The following CAPN2 variants were observed in gnomAD, a reference collection of about 807,000 sequenced individuals.
The protein encoded by CAPN2 is calpain 2.
In CAPN2, 92 loss-of-function variants were observed where a neutral mutation model predicts 102.3. The observed-to-expected ratio is 0.90, with a 90% CI of 0.76 to 1.07. The LOEUF (loss-of-function observed/expected upper bound fraction) is 1.07, where lower values mean the gene tolerates loss of function less well. CAPN2 is among the 50% of genes least tolerant of loss of function. The probability of loss-of-function intolerance (pLI) is 0.00; values close to 1 mark genes in which losing one functional copy is unlikely to be tolerated. For synonymous variants in CAPN2, 340 were observed against 355.4 expected, an observed-to-expected ratio of 0.96 and a Z score of 0.49; for missense variants, 800 against 909.4, an observed-to-expected ratio of 0.88 and a Z score of 1.55.
Position 223,756,839 on chromosome 1 carries a change from G to A in CAPN2, c.1306-530G>A, listed in dbSNP as rs578018746. 1.5e-4 allele frequency among the ~76,000 whole-genome samples: 23 copies of A among 152,314 alleles called. No homozygotes were observed. Among genetic ancestry groups the A allele is most frequent in the East Asian group, 3.9e-4 (2 of 5,190 alleles). On this transcript the variant is annotated intron_variant, in intron 10 of 20. Coordinates refer to ENST00000295006, the MANE Select transcript of CAPN2 (RefSeq NM_001748.5). This position sits in a 1 kb window ranked among gnomAD's most constrained non-coding sequence, Gnocchi z 4.1. ...TGTGATACACAGCTTCCCTCCCACC[G>A]GCTTATGGGCTTGGAAATGCAGCCA...
At chr1:223,773,985 A>G (rs1209341226) in intron 20 of CAPN2, among the ~76,000 whole-genome samples, 3 of 152,162 alleles carry the variant, frequency 2.0e-5, no homozygotes, top group African/African-American at 7.2e-5. Context: ...GTGAGCCATG[A>G]TCTCCCCACT....
intron 1 of CAPN2, among the ~76,000 whole-genome samples, chr1:223,703,600 G>A (rs1437468533): frequency 3.3e-5 from 5 of 152,182 alleles, no homozygotes; most frequent in Non-Finnish European, 5.9e-5. Flanking sequence ...GCAGTCTATG[G>A]ATCCTCCTAC....
chr1:223,763,356 C>G (rs1353840065), intron 14 of CAPN2, among the ~76,000 whole-genome samples: 1 of 152,220 alleles, frequency 6.6e-6, no homozygotes, highest in East Asian at 1.9e-4. Context: ...TCACCCTCTG[C>G]TCCCTCCCAG....
At chr1:223,736,744 C>A (rs952488621) in intron 2 of CAPN2, among the ~76,000 whole-genome samples, 1 of 152,140 alleles carries the variant, frequency 6.6e-6, no homozygotes, top group Non-Finnish European at 1.5e-5. Context: ...GTGAGAGCCA[C>A]TTGTAGAAAT....
rs1185130105 is a variant in CAPN2 at position 223,717,788 on chromosome 1, C to T, written c.264C>T (p.Ile88=). 1.2e-5 allele frequency: 20 copies of T among 1,613,988 alleles called. No individual in the cohort carries two copies. The highest frequency in any genetic ancestry group is 1.7e-5 in the Non-Finnish European group (20 of 1,179,954). ...AGATCTGCGCTGACCCCCAGTTTATCATTGGAGGAGCCACCCGCACAGACA... is the reference window on the plus strand; with the variant it reads ...AGATCTGCGCTGACCCCCAGTTTATTATTGGAGGAGCCACCCGCACAGACA... ...PTEICADPQF[I]IGGATRTDIC... is the part of the protein sequence containing the mutation. The change falls in exon 2 of 21, where the codon ATC becomes ATT. Residue 88 remains isoleucine, a synonymous_variant. Transcript: ENST00000295006.
rs556044890 is a variant in CAPN2, at chr1:223,706,689, TAAGTGCACAAATATGTGTA to T, written c.3+4875_3+4893del. ...ATCTCCCTTGACTGGCTGTGAAGATTAAGTGCACAAATATGTGTAAAGTGCACAAATATGTCAAATAAAA... is the reference window on the plus strand; with the variant it reads ...ATCTCCCTTGACTGGCTGTGAAGATTAAGTGCACAAATATGTCAAATAAAA... On this transcript the variant is annotated intron_variant, in intron 1 of 20. Coordinates refer to the CAPN2 transcript ENST00000433674. 8.1e-4 allele frequency among the ~76,000 whole-genome samples: 123 copies of T among 152,308 alleles called. 3 individuals carry two copies. The South Asian group carries it at 0.013, about 16-fold the overall frequency.
At chr1:223,743,765 C>T (rs1477214382) in intron 2 of CAPN2, among the ~76,000 whole-genome samples, 1 of 152,250 alleles carries the variant, frequency 6.6e-6, no homozygotes. Flanking sequence ...AGGTGCAAGG[C>T]TGGGCTCTGA....
chr1:223,746,308 C>T lies in CAPN2; in HGVS notation c.561-689C>T, dbSNP rs180793300. ...CCTTGCCAACACCGTGCCTGTTTCTCAGAGAAACTGCTTCCATTATTGAAT... is the reference window on the plus strand; with the variant it reads ...CCTTGCCAACACCGTGCCTGTTTCTTAGAGAAACTGCTTCCATTATTGAAT... On this transcript the variant is annotated intron_variant, in intron 4 of 20. Coordinates refer to ENST00000295006, the MANE Select transcript of CAPN2 (RefSeq NM_001748.5). Among the ~76,000 whole-genome samples the T allele has an allele frequency of 5.2e-3, 789 of 152,212 alleles. 4 individuals are homozygous for T. Among genetic ancestry groups the T allele is most frequent in the Non-Finnish European group, 7.7e-3 (527 of 68,024 alleles).
Position 223,717,801 on chromosome 1 carries a change from A to G in CAPN2, c.277A>G (p.Thr93Ala). ...ADPQFIIGGA[T>A]RTDICQGALG... The stretch of plus-strand genomic sequence containing the variant: ...CCCCCAGTTTATCATTGGAGGAGCC[A>G]CCCGCACAGACATCTGCCAAGGAGC... The change falls in exon 2 of 21, where the codon ACC becomes GCC. Residue 93 changes from threonine to alanine, a missense_variant. Thr to Ala is a moderately conservative substitution (Grantham distance 58). Transcript: ENST00000295006. The G allele has an allele frequency of 3.1e-6, 5 of 1,614,114 alleles. No individual in the cohort carries two copies. The highest frequency in any genetic ancestry group is 4.2e-6 in the Non-Finnish European group (5 of 1,179,958).
chr1:223,740,387 C>T (rs1660583248), intron 2 of CAPN2, among the ~76,000 whole-genome samples: 2 of 152,220 alleles, frequency 1.3e-5, no homozygotes, highest in Non-Finnish European at 2.9e-5. Flanking sequence ...ACAAAGGAGA[C>T]AGGGTCATTT....
Position 223,766,551 on chromosome 1 carries a change from G to C in CAPN2, c.1755+120G>C, listed in dbSNP as rs1333543788. Reference sequence around the variant, plus strand: ...TAGCCAGTTGTTCCCAACTTGCTGAGTTGCTGTCGGACAGTCAGCAGCGCT... The same window carrying C: ...TAGCCAGTTGTTCCCAACTTGCTGACTTGCTGTCGGACAGTCAGCAGCGCT... On this transcript the variant is annotated intron_variant, in intron 16 of 20. Coordinates refer to ENST00000295006, the MANE Select transcript of CAPN2 (RefSeq NM_001748.5). The C allele has an allele frequency of 8.9e-6, 7 of 782,926 alleles. No individual in the cohort carries two copies. The African/African-American group carries it at 1.0e-4, about 11-fold the overall frequency. The allele number at this position is 782,926 out of a possible 1,614,324, so 48.5% of individuals were successfully genotyped here.
rs1195141455 is a variant in CAPN2 at position 223,731,422 on chromosome 1, G to A, written c.308-12678G>A. ...TCTGCACTTGACCTTCCCTCTCCCT[G>A]AAAGTGCCCCTGCTCTTCCTCACCC... On this transcript the variant is annotated intron_variant, in intron 2 of 20. Coordinates refer to ENST00000295006, the MANE Select transcript of CAPN2 (RefSeq NM_001748.5). This position sits in a 1 kb window ranked among gnomAD's most constrained non-coding sequence, Gnocchi z 4.2. Among the ~76,000 whole-genome samples, 1 of 152,004 alleles carries A rather than the reference G, an allele frequency of 6.6e-6. No homozygotes were observed.
rs1163920428 is a variant in CAPN2, at chr1:223,755,502, GT to G, written c.1159del (p.Tyr387ThrfsTer2). On this transcript the variant is annotated frameshift_variant, in exon 10 of 21. Coordinates refer to ENST00000295006, the MANE Select transcript of CAPN2 (RefSeq NM_001748.5). LOFTEE classifies it high-confidence loss of function. This position sits in a 1 kb window ranked among gnomAD's most constrained non-coding sequence, Gnocchi z 4.1. ...YPNTFWMNPQ[Y>X]LIKLEEEDED... The stretch of plus-strand genomic sequence containing the variant: ...CAGACACATTCTGGATGAACCCTCA[GT>G]ACCTGATCAAGCTGGAGGAGGAGGA... The G allele has an allele frequency of 1.2e-5, 19 of 1,614,064 alleles. No individual in the cohort carries two copies. The highest frequency in any genetic ancestry group is 1.5e-5 in the Non-Finnish European group (18 of 1,180,012).
In CAPN2 at chr1:223,771,695, A is replaced by G. The variant is rs1661474423; in HGVS notation, c.1904-114A>G. On this transcript the variant is annotated intron_variant, in intron 18 of 20. Transcript: ENST00000295006. ...AGTCTCACAGAAGAGCAGCCAAGGGACAAAAGCAATTATACCTCATTTAAA... is the reference window on the plus strand; with the variant it reads ...AGTCTCACAGAAGAGCAGCCAAGGGGCAAAAGCAATTATACCTCATTTAAA... The G allele has an allele frequency of 5.4e-6, 4 of 740,320 alleles. No homozygotes were observed. The Admixed American group carries it at 8.2e-5, about 15-fold the overall frequency. The allele number at this position is 740,320 out of a possible 1,614,324, so 45.9% of individuals were successfully genotyped here. A position where few individuals can be genotyped will look rare whatever the true frequency, so the allele number is the denominator to read the frequency against.
chr1:223,741,841 A>C lies in CAPN2; in HGVS notation c.308-2259A>C, dbSNP rs1660625762. ...GCCCAGGCTGGAGTGCAGTGGCGTG[A>C]TCTTGGCTCACTGCAGACTCCATCT... On this transcript the variant is annotated intron_variant, in intron 2 of 20. Transcript: ENST00000295006. 2.0e-5 allele frequency among the ~76,000 whole-genome samples: 3 copies of C among 151,842 alleles called. No homozygotes were observed. The South Asian group carries it at 6.2e-4, about 32-fold the overall frequency.
rs542798367 is a variant in CAPN2, at chr1:223,731,472, G to T, written c.308-12628G>T. ...CAGCTCCCCGCTCTAAGCCTTCCTCGCCCACCCCAGCCCTCCTACAGTCCC... is the reference window on the plus strand; with the variant it reads ...CAGCTCCCCGCTCTAAGCCTTCCTCTCCCACCCCAGCCCTCCTACAGTCCC... On this transcript the variant is annotated intron_variant, in intron 2 of 20. Coordinates refer to ENST00000295006, the MANE Select transcript of CAPN2 (RefSeq NM_001748.5). The surrounding 1 kb of genome is among the most constrained non-coding windows in gnomAD (Gnocchi z 4.2). 6.6e-6 allele frequency among the ~76,000 whole-genome samples: 1 copy of T among 151,596 alleles called. No individual in the cohort carries two copies. Among genetic ancestry groups the T allele is most frequent in the African/African-American group, 2.4e-5 (1 of 41,206 alleles).
chr1:223,730,338 GA>G (rs56012170), intron 2 of CAPN2, among the ~76,000 whole-genome samples: 102,321 of 141,762 alleles, frequency 0.72, 36,632 homozygotes, highest in Admixed American at 0.8. Context: ...AATATTATGA[GA>G]TTTTTTTTTT....
At chr1:223,704,705 A>C (rs561582655) in intron 1 of CAPN2, among the ~76,000 whole-genome samples, 58 of 152,314 alleles carry the variant, frequency 3.8e-4, no homozygotes, top group African/African-American at 1.3e-3. Context: ...CCACAGCAAT[A>C]ATGAGATGTC....
Position 223,749,140 on chromosome 1 carries a change from T to C in CAPN2, c.813+18T>C. 6.2e-7 allele frequency: 1 copy of C among 1,607,468 alleles called. No individual in the cohort carries two copies. The highest frequency in any genetic ancestry group is 8.5e-7 in the Non-Finnish European group (1 of 1,174,018). The stretch of plus-strand genomic sequence containing the variant: ...CCGAGGAGGTAACGGCCGGCGCGGA[T>C]GTGCAGGGGTCCTGCTGTCCTGACA... On this transcript the variant is annotated intron_variant, in intron 6 of 20. Coordinates refer to ENST00000295006, the MANE Select transcript of CAPN2 (RefSeq NM_001748.5).
Sources: allele counts gnomAD v4.1 joint callset (sites outside exome capture counted in the v4.1 genomes callset), GRCh38; gene constraint gnomAD v4.1.1; non-coding constraint Gnocchi (gnomAD v3.1); transcripts MANE v1.5; gene names NCBI Gene and HGNC (gene_info 2026-07-23, HGNC 2026-07-21).